The following ZPBP variants were observed in gnomAD, a reference collection of about 807,000 sequenced individuals.
The protein encoded by ZPBP is zona pellucida-binding protein 1.
ZPBP carries 26 observed loss-of-function variants against 44.8 expected under a neutral mutation model. The observed-to-expected ratio is 0.58, with a 90% CI of 0.43 to 0.81. The LOEUF is 0.81. Among genes scored for constraint, ZPBP ranks in the 30% least tolerant of loss-of-function variants. The pLI, the probability that ZPBP is intolerant of heterozygous loss-of-function variation, is 0.00. For missense variants in ZPBP, 409 were observed against 434.0 expected, an observed-to-expected ratio of 0.94 and a Z score of 0.51; for synonymous variants, 174 against 153.2, an observed-to-expected ratio of 1.14 and a Z score of -1.00.
At chr7:49,963,029 C>A (rs1042432716) in intron 7 of ZPBP, among the ~76,000 whole-genome samples, 2 of 150,802 alleles carry the variant, frequency 1.3e-5, no homozygotes, top group Non-Finnish European at 3.0e-5. Flanking sequence ...TAAAAAAAAA[C>A]CTGATAAAAA....
At chr7:49,911,096 T>C (rs1793394479) in intron 1 of ZPBP, among the ~76,000 whole-genome samples, 1 of 152,218 alleles carries the variant, frequency 6.6e-6, no homozygotes, top group Non-Finnish European at 1.5e-5. Flanking sequence ...TTATGCTTTT[T>C]CTGTGAGTAT....
At chr7:49,926,058 T>C (rs1794226346) in intron 1 of ZPBP, among the ~76,000 whole-genome samples, 1 of 152,358 alleles carries the variant, frequency 6.6e-6, no homozygotes, top group South Asian at 2.1e-4. Context: ...TGGGCAGTTC[T>C]GTGTAGTCAC....
intron 2 of ZPBP, among the ~76,000 whole-genome samples, chr7:49,886,010 C>T (rs1262346144): frequency 6.6e-6 from 1 of 152,212 alleles, no homozygotes; most frequent in Non-Finnish European, 1.5e-5. Flanking sequence ...ATTTTGAAAT[C>T]GCTGTTGGAC....
At chr7:49,996,712 T>C (rs895797851) in intron 6 of ZPBP, among the ~76,000 whole-genome samples, 1 of 152,226 alleles carries the variant, frequency 6.6e-6, no homozygotes, top group South Asian at 2.1e-4. Context: ...AGTTAGACTT[T>C]GTTCATTTGA....
At chr7:50,056,983 A>G (rs1218407632) in intron 4 of ZPBP, among the ~76,000 whole-genome samples, 1 of 152,050 alleles carries the variant, frequency 6.6e-6, no homozygotes, top group Non-Finnish European at 1.5e-5. Context: ...CAGGAAATCG[A>G]GACCATCCTG....
intron 1 of ZPBP, among the ~76,000 whole-genome samples, chr7:49,926,044 A>C (rs1257906191): frequency 6.6e-6 from 1 of 152,218 alleles, no homozygotes; most frequent in Non-Finnish European, 1.5e-5. Flanking sequence ...TGGACTCTGC[A>C]TAATGGGCAG....
At chr7:49,913,993 A>G (rs1793593753) in intron 1 of ZPBP, 1 of 152,234 alleles carries the variant, frequency 6.6e-6, no homozygotes, top group Admixed American at 6.5e-5. Flanking sequence ...GAAAATACTC[A>G]GGGGAATTAT....
intron 3 of ZPBP, among the ~76,000 whole-genome samples, chr7:50,062,963 T>C (rs1378471957): frequency 6.6e-6 from 1 of 151,138 alleles, no homozygotes; most frequent in Non-Finnish European, 1.5e-5. Flanking sequence ...AAAGAGTCGT[T>C]ACCTTTTAAC....
chr7:49,969,791 A>G (rs1224974749), intron 7 of ZPBP, among the ~76,000 whole-genome samples: 2 of 150,196 alleles, frequency 1.3e-5, no homozygotes, highest in Non-Finnish European at 3.0e-5. Context: ...AAAAAAGTTT[A>G]TGTTAATAAA....
chr7:50,049,861 T>C (rs190190069), intron 4 of ZPBP, among the ~76,000 whole-genome samples: 2 of 151,984 alleles, frequency 1.3e-5, no homozygotes, highest in Non-Finnish European at 2.9e-5. Context: ...ACAGATTCTG[T>C]CTCTGTGTCA....
chr7:49,994,966 C>G (rs1797755290), intron 6 of ZPBP, among the ~76,000 whole-genome samples: 1 of 152,112 alleles, frequency 6.6e-6, no homozygotes, highest in Admixed American at 6.6e-5. Context: ...GCATTGTACC[C>G]CTTTTTTGAT....
Position 49,973,192 on chromosome 7 carries a change from A to G in ZPBP, c.961+10150T>C, listed in dbSNP as rs185323289. Among the ~76,000 whole-genome samples the G allele has an allele frequency of 3.8e-3, 584 of 151,942 alleles. 1 individual carries two copies. Among genetic ancestry groups the G allele is most frequent in the Non-Finnish European group, 6.2e-3 (423 of 67,828 alleles). On this transcript the variant is annotated intron_variant, in intron 7 of 7. Transcript: ENST00000046087. ...ACTCCTTGGATATGGTAACAAAACC[A>G]TAGACAACAAAAGAAAAAATCTGGA...
chr7:49,877,709 T>A (rs1791499902), intron 2 of ZPBP, among the ~76,000 whole-genome samples: 1 of 149,764 alleles, frequency 6.7e-6, no homozygotes, highest in African/African-American at 2.5e-5. Context: ...TCCCATCTAG[T>A]CCTAACTTTT....
chr7:49,940,820 C>T (rs939555047), intron 7 of ZPBP: 10 of 984,882 alleles, frequency 1.0e-5, no homozygotes, highest in Non-Finnish European at 1.1e-5. Context: ...TATGAGAGTC[C>T]CATGCCTGTG....
At chr7:49,982,317 T>C (rs1488736786) in intron 7 of ZPBP, among the ~76,000 whole-genome samples, 2 of 119,476 alleles carry the variant, frequency 1.7e-5, no homozygotes, top group Non-Finnish European at 3.3e-5. Flanking sequence ...AATTATATAA[T>C]ATATAATTAT....
At chr7:50,067,196 C>A (rs1801552050) in intron 3 of ZPBP, among the ~76,000 whole-genome samples, 1 of 152,040 alleles carries the variant, frequency 6.6e-6, no homozygotes, top group Admixed American at 6.6e-5. Flanking sequence ...TTACGTTTGC[C>A]TTTCCCTTTT....
intron 7 of ZPBP, chr7:49,940,684 TAAA>T: frequency 2.9e-6 from 2 of 692,240 alleles, no homozygotes; most frequent in Non-Finnish European, 3.5e-6. Context: ...TTGAAATGAT[TAAA>T]AAAAAAAAAT....
intron 1 of ZPBP, among the ~76,000 whole-genome samples, chr7:49,924,892 A>G (rs1178182825): frequency 6.6e-6 from 1 of 152,214 alleles, no homozygotes; most frequent in Non-Finnish European, 1.5e-5. Flanking sequence ...CATAAATCCC[A>G]GACCCACCAA....
At chr7:49,843,599 A>C in the ZPBP span, among the ~76,000 whole-genome samples, 1 of 152,240 alleles carries the variant, frequency 6.6e-6, no homozygotes, top group African/African-American at 2.4e-5. Context: ...TTGTATGTAC[A>C]GAAAGGTTTC....
Sources: gnomAD v4.1 joint callset for allele counts (sites outside exome capture counted in the v4.1 genomes callset) on GRCh38, gnomAD v4.1.1 for gene constraint, MANE v1.5 for transcripts, NCBI Gene and HGNC (gene_info 2026-07-23, HGNC 2026-07-21) for gene names.